The following XRN2 variants were observed in gnomAD, a reference collection of about 807,000 sequenced individuals.
The protein encoded by XRN2 is 5'-3' exoribonuclease 2.
XRN2 carries 44 observed loss-of-function variants against 138.5 expected under a neutral mutation model. That is an observed-to-expected ratio of 0.32 (90% CI 0.25 to 0.41). The LOEUF (loss-of-function observed/expected upper bound fraction) is 0.41. Ranked by LOEUF, XRN2 falls within the 10% of genes least tolerant of loss-of-function variation. The probability of loss-of-function intolerance (pLI) is 1.00; values close to 1 mark genes in which losing one functional copy is unlikely to be tolerated. For missense variants in XRN2, 937 were observed against 1,169.3 expected, an observed-to-expected ratio of 0.80 and a Z score of 2.90; for synonymous variants, 354 against 369.4, an observed-to-expected ratio of 0.96 and a Z score of 0.48.
chr20:21,387,573 T>G (rs1391919658), intron 29 of XRN2, among the ~76,000 whole-genome samples: 5 of 152,232 alleles, frequency 3.3e-5, no homozygotes, highest in Non-Finnish European at 7.3e-5. Context: ...TTAGTATATG[T>G]AAGCTTCATG....
Position 21,365,655 on chromosome 20 carries a change from C to T in XRN2, c.2407C>T (p.Arg803Cys), listed in dbSNP as rs779090724. ...GTGGAAGCCTCAGCTTGGCTTTAAC[C>T]GTGACCGGAGGCCTGTGCACCTGGA... ...RQWKPQLGFNRDRRPVHLDQA... is the reference protein window; with the variant it reads ...RQWKPQLGFNCDRRPVHLDQA... The change falls in exon 26 of 30, where the codon CGT becomes TGT. Residue 803 changes from arginine (R) to cysteine (C), a missense_variant. Around this residue, in one of 6 missense-constraint regions of XRN2, gnomAD observed 372 missense variants for 414.4 expected, o/e 0.90. Transcript: ENST00000377191. 1.9e-5 allele frequency: 31 copies of T among 1,612,938 alleles called. No individual in the cohort carries two copies. Among genetic ancestry groups the T allele is most frequent in the Non-Finnish European group, 2.0e-5 (24 of 1,179,896 alleles).
chr20:21,349,320 CAT>C (rs2038477675), intron 19 of XRN2, 67 bp from the exon 20 acceptor site: 1 of 1,049,186 alleles, frequency 9.5e-7, no homozygotes, highest in Non-Finnish European at 1.5e-6. Flanking sequence ...GAATGAAAGT[CAT>C]ATCAAATTCT....
intron 1 of XRN2, among the ~76,000 whole-genome samples, chr20:21,311,612 T>C (rs2037881954): frequency 6.6e-6 from 1 of 152,234 alleles, no homozygotes; most frequent in Admixed American, 6.5e-5. Flanking sequence ...CATGTAATTC[T>C]GTGTTTAGCA....
chr20:21,384,596 T>A (rs867168264), intron 28 of XRN2, among the ~76,000 whole-genome samples: 7 of 152,318 alleles, frequency 4.6e-5, no homozygotes, highest in African/African-American at 1.2e-4. Flanking sequence ...GTTCAAGTGA[T>A]TCTGATGCTT....
intron 26 of XRN2, among the ~76,000 whole-genome samples, chr20:21,366,801 T>G (rs189732668): frequency 8.5e-5 from 13 of 152,318 alleles, no homozygotes; most frequent in Non-Finnish European, 1.9e-4. Flanking sequence ...GTAAGTATTT[T>G]AATAACTTTG....
chr20:21,327,071 G>C (rs1404463995), intron 3 of XRN2, among the ~76,000 whole-genome samples: 1 of 152,072 alleles, frequency 6.6e-6, no homozygotes, highest in Non-Finnish European at 1.5e-5. Flanking sequence ...TTTGGGGAGG[G>C]AGGACCTTCC....
Position 21,389,328 on chromosome 20 carries a change from A to G in XRN2, c.2843A>G (p.Asn948Ser), listed in dbSNP as rs764184373. The change falls in exon 30 of 30, where the codon AAT becomes AGT. Residue 948 changes from asparagine to serine, a missense_variant. Transcript: ENST00000377191. ...YPLPPPSGRY[N>S]WN ...TTGCCACCACCCTCAGGAAGATACA[A>G]TTGGAATTAAGCTTTTGTAAAGCTT... 44 of 1,612,800 alleles carry G rather than the reference A, an allele frequency of 2.7e-5. No individual in the cohort carries two copies. The highest frequency in any genetic ancestry group is 2.0e-5 in the Non-Finnish European group (24 of 1,179,432).
intron 28 of XRN2, among the ~76,000 whole-genome samples, chr20:21,385,828 A>G (rs1169002536): frequency 1.3e-5 from 2 of 152,220 alleles, no homozygotes; most frequent in African/African-American, 4.8e-5. Context: ...TGATATGGTT[A>G]TAACTGATTA....
chr20:21,336,915 A>G (rs547273308), intron 13 of XRN2, among the ~76,000 whole-genome samples: 10 of 152,342 alleles, frequency 6.6e-5, no homozygotes, highest in East Asian at 1.9e-4. Context: ...GAAGCACATT[A>G]CAGACAGAGG....
At chr20:21,352,994 T>C (rs1206363932) in intron 20 of XRN2, among the ~76,000 whole-genome samples, 1 of 152,006 alleles carries the variant, frequency 6.6e-6, no homozygotes, top group African/African-American at 2.4e-5. Flanking sequence ...GGCATTCCTT[T>C]CTATGCTGGC....
At chr20:21,320,903 C>G (rs2038032068) in intron 1 of XRN2, among the ~76,000 whole-genome samples, 1 of 152,208 alleles carries the variant, frequency 6.6e-6, no homozygotes, top group Non-Finnish European at 1.5e-5. Flanking sequence ...CTCCTCCCAG[C>G]CATCTTAATC....
chr20:21,326,106 A>G (rs993133352), intron 1 of XRN2, among the ~76,000 whole-genome samples, 173 bp from the exon 2 acceptor site: 5 of 152,260 alleles, frequency 3.3e-5, no homozygotes, highest in Non-Finnish European at 7.3e-5. Flanking sequence ...TTCTACAGAT[A>G]AAATATCTGC....
intron 1 of XRN2, among the ~76,000 whole-genome samples, chr20:21,320,540 C>A (rs111595332): frequency 2.0e-5 from 3 of 151,654 alleles, no homozygotes; most frequent in African/African-American, 7.3e-5. Flanking sequence ...ACATCGTGAT[C>A]GGCCTGACTT....
At chr20:21,370,802 C>G (rs1204340565) in intron 27 of XRN2, among the ~76,000 whole-genome samples, 1 of 152,130 alleles carries the variant, frequency 6.6e-6, no homozygotes, top group Non-Finnish European at 1.5e-5. Flanking sequence ...TAAATTGTGT[C>G]CCCATTTAAT....
At chr20:21,373,298 G>A (rs531586257) in intron 27 of XRN2, among the ~76,000 whole-genome samples, 229 of 152,290 alleles carry the variant, frequency 1.5e-3, no homozygotes, top group Admixed American at 2.4e-3. Context: ...ATGAGCCACC[G>A]CGCCCAGCAG....
At chr20:21,317,896 T>C (rs969730097) in intron 1 of XRN2, among the ~76,000 whole-genome samples, 2 of 152,216 alleles carry the variant, frequency 1.3e-5, no homozygotes, top group Non-Finnish European at 2.9e-5. Context: ...GAGATGCTGG[T>C]CTGCAGTTTT....
At chr20:21,347,289 A>G (rs1320852638) in intron 17 of XRN2, among the ~76,000 whole-genome samples, 1 of 152,236 alleles carries the variant, frequency 6.6e-6, no homozygotes. Context: ...GTGATGATAC[A>G]TGAAGCACAT....
chr20:21,374,673 CT>C lies in XRN2; in HGVS notation c.2584+6088del, dbSNP rs1354229746. 4.6e-5 allele frequency among the ~76,000 whole-genome samples: 7 copies of C among 152,152 alleles called. No individual in the cohort carries two copies. In the East Asian group the frequency reaches 1.2e-3, roughly 25 times the overall value. On this transcript the variant is annotated intron_variant, in intron 27 of 29. Coordinates refer to ENST00000377191, the MANE Select transcript of XRN2 (RefSeq NM_012255.5). The stretch of plus-strand genomic sequence containing the variant: ...AAACCTAATTTCTGGAATATATCAT[CT>C]TTTTATATGTCACTACATTCTATGT...
At chr20:21,350,768 C>G (rs571871103) in intron 20 of XRN2, among the ~76,000 whole-genome samples, 1 of 151,948 alleles carries the variant, frequency 6.6e-6, no homozygotes, top group Non-Finnish European at 1.5e-5. Context: ...ATAAATAATA[C>G]AATTTACAAA....
Sources: gnomAD v4.1 joint callset for allele counts (sites outside exome capture counted in the v4.1 genomes callset) on GRCh38, gnomAD v4.1.1 for gene constraint, gnomAD v4.1.1 regional missense constraint, MANE v1.5 for transcripts, NCBI Gene and HGNC (gene_info 2026-07-23, HGNC 2026-07-21) for gene names.